PRKG1: variants seen among roughly 807,000 people sequenced by gnomAD.
PRKG1 encodes protein kinase cGMP-dependent 1.
PRKG1 carries 35 observed loss-of-function variants against 88.1 expected under a neutral mutation model. The ratio of observed to expected loss-of-function variants is 0.40; its 90% CI spans 0.30 to 0.53. The LOEUF is 0.53. Ranked by LOEUF, PRKG1 falls within the 20% of genes least tolerant of loss-of-function variation. The pLI is 0.59. For synonymous variants in PRKG1, 303 were observed against 292.5 expected (o/e 1.04, Z -0.37); for missense variants, 540 against 839.8 (o/e 0.64, Z 4.41).
intron 7 of PRKG1, among the ~76,000 whole-genome samples, chr10:52,082,899 T>C (rs1846815754): frequency 6.6e-6 from 1 of 152,140 alleles, no homozygotes; most frequent in African/African-American, 2.4e-5. Flanking sequence ...CAAGAAAGAA[T>C]TATTATTTTA....
intron 3 of PRKG1, among the ~76,000 whole-genome samples, chr10:51,634,646 T>C (rs1839610202): frequency 6.6e-6 from 1 of 152,126 alleles, no homozygotes; most frequent in African/African-American, 2.4e-5. Context: ...GAATCGACTT[T>C]ACACTAGTCA....
At chr10:51,205,959 T>C (rs1427001779) in intron 2 of PRKG1, among the ~76,000 whole-genome samples, 1 of 152,182 alleles carries the variant, frequency 6.6e-6, no homozygotes. Context: ...AATAGGAGAC[T>C]GGTAAACATG....
chr10:51,805,129 G>A (rs991112060), intron 4 of PRKG1, among the ~76,000 whole-genome samples: 1 of 152,058 alleles, frequency 6.6e-6, no homozygotes, highest in Non-Finnish European at 1.5e-5. Context: ...TCTTGTGTGA[G>A]TTTCCATATG....
chr10:51,904,340 A>G (rs1245871963), intron 4 of PRKG1, among the ~76,000 whole-genome samples: 1 of 152,074 alleles, frequency 6.6e-6, no homozygotes, highest in Non-Finnish European at 1.5e-5. Flanking sequence ...AGGATAGAAA[A>G]CTTTATTTTG....
At chr10:51,757,127 G>T (rs1010539584) in intron 3 of PRKG1, among the ~76,000 whole-genome samples, 13 of 151,712 alleles carry the variant, frequency 8.6e-5, no homozygotes, top group Non-Finnish European at 1.2e-4. Flanking sequence ...TATTGAGACA[G>T]GGTCTTACTC....
chr10:52,229,695 A>C (rs1840477742), intron 9 of PRKG1, among the ~76,000 whole-genome samples: 1 of 152,154 alleles, frequency 6.6e-6, no homozygotes. Context: ...GAGCATATTG[A>C]TGTATCATCT....
At chr10:51,288,173 G>A (rs1185935794) in intron 2 of PRKG1, among the ~76,000 whole-genome samples, 1 of 150,104 alleles carries the variant, frequency 6.7e-6, no homozygotes, top group African/African-American at 2.5e-5. Flanking sequence ...TTAAGTTTTA[G>A]GGTACATGTG....
intron 2 of PRKG1, among the ~76,000 whole-genome samples, chr10:51,329,307 T>C (rs577675298): frequency 2.0e-5 from 3 of 152,336 alleles, no homozygotes; most frequent in Non-Finnish European, 2.9e-5. Flanking sequence ...CCCTGCACCA[T>C]TTATTGAAGA....
chr10:51,363,313 G>C (rs895208315), intron 2 of PRKG1, among the ~76,000 whole-genome samples: 7 of 151,628 alleles, frequency 4.6e-5, no homozygotes, highest in African/African-American at 7.3e-5. Flanking sequence ...CTTCAGACTG[G>C]CTGCCCAGTA....
In PRKG1 at chr10:51,283,561, T is replaced by C. The variant is rs188443087; in HGVS notation, c.478+130231T>C. On this transcript the variant is annotated intron_variant, in intron 2 of 17. Coordinates refer to ENST00000373980, the MANE Select transcript of PRKG1 (RefSeq NM_006258.4). The stretch of plus-strand genomic sequence containing the variant: ...GGCAGTGAGTATGTGTGTGAGTAAA[T>C]TAAAGATTGCTAGTTTGAGACTATT... 1.4e-3 allele frequency among the ~76,000 whole-genome samples: 206 copies of C among 152,216 alleles called. 1 individual carries two copies. The highest frequency in any genetic ancestry group is 2.7e-3 in the African/African-American group (114 of 41,516).
intron 3 of PRKG1, chr10:51,698,825 A>G: frequency 6.2e-7 from 1 of 1,614,160 alleles, no homozygotes; most frequent in Non-Finnish European, 8.5e-7. Context: ...TCTTCTAGCC[A>G]AATGCTGAGG....
At chr10:51,654,024 A>G (rs1003316479) in intron 3 of PRKG1, among the ~76,000 whole-genome samples, 4 of 152,132 alleles carry the variant, frequency 2.6e-5, no homozygotes, top group Non-Finnish European at 4.4e-5. Context: ...TTTGCCATGC[A>G]GAAGCTTTTT....
At chr10:51,082,846 T>A (rs753023194) in intron 1 of PRKG1, among the ~76,000 whole-genome samples, 35 of 152,142 alleles carry the variant, frequency 2.3e-4, no homozygotes, top group Non-Finnish European at 4.0e-4. Context: ...CAAACATAGC[T>A]GTATGTTACA....
intron 3 of PRKG1, among the ~76,000 whole-genome samples, chr10:51,733,707 G>A (rs1419214017): frequency 2.0e-5 from 3 of 152,124 alleles, no homozygotes; most frequent in Non-Finnish European, 2.9e-5. Flanking sequence ...AATCAATACT[G>A]AGCTCGGCCA....
chr10:51,195,542 A>C (rs189635556), intron 2 of PRKG1, among the ~76,000 whole-genome samples: 120 of 152,204 alleles, frequency 7.9e-4, no homozygotes, highest in African/African-American at 2.0e-3. Flanking sequence ...AATTTATTTT[A>C]TTTTCTTTTT....
At chr10:51,049,589 A>G (rs1843535683) in intron 1 of PRKG1, among the ~76,000 whole-genome samples, 1 of 152,212 alleles carries the variant, frequency 6.6e-6, no homozygotes, top group Non-Finnish European at 1.5e-5. Context: ...GTTGCCTGCT[A>G]GGTTGATTTA....
chr10:51,359,723 A>G (rs1588879593), intron 2 of PRKG1, among the ~76,000 whole-genome samples: 1 of 151,912 alleles, frequency 6.6e-6, no homozygotes, highest in African/African-American at 2.4e-5. Flanking sequence ...AACTTGAGAG[A>G]AAAAAGATGA....
intron 5 of PRKG1, among the ~76,000 whole-genome samples, chr10:51,959,728 G>C (rs903259657): frequency 6.6e-6 from 1 of 152,106 alleles, no homozygotes; most frequent in Non-Finnish European, 1.5e-5. Flanking sequence ...TGAAATGTCA[G>C]AGGTGAAGGA....
At chr10:51,007,648 C>G (rs1842954175) in intron 1 of PRKG1, among the ~76,000 whole-genome samples, 2 of 152,076 alleles carry the variant, frequency 1.3e-5, no homozygotes, top group African/African-American at 4.8e-5. Context: ...TTCAATTTCC[C>G]CCGTAAATGA....
Sources: allele counts gnomAD v4.1 joint callset (sites outside exome capture counted in the v4.1 genomes callset), GRCh38; gene constraint gnomAD v4.1.1; transcripts MANE v1.5; gene names NCBI Gene and HGNC (gene_info 2026-07-23, HGNC 2026-07-21).